AATF: variants seen among roughly 807,000 people sequenced by gnomAD.
AATF encodes the protein apoptosis antagonizing transcription factor.
Under a neutral mutation model 63.7 loss-of-function variants are expected in AATF, and 48 were observed. The ratio of observed to expected loss-of-function variants is 0.75; its 90% CI spans 0.60 to 0.96. The LOEUF (loss-of-function observed/expected upper bound fraction) is 0.96, where lower values mean the gene tolerates loss of function less well. AATF is among the 40% of genes least tolerant of loss of function. The pLI is 0.00. For synonymous variants in AATF, 258 were observed against 247.7 expected (o/e 1.04, Z -0.39); for missense variants, 639 against 685.7 (o/e 0.93, Z 0.76).
At chr17:36,994,252 T>G (rs2071237353) in intron 8 of AATF, among the ~76,000 whole-genome samples, 1 of 152,234 alleles carries the variant, frequency 6.6e-6, no homozygotes, top group Non-Finnish European at 1.5e-5. Flanking sequence ...ATTTCATTCT[T>G]GAGCCATAAA....
intron 8 of AATF, among the ~76,000 whole-genome samples, chr17:37,013,344 T>A (rs1450928397): frequency 6.6e-6 from 1 of 152,174 alleles, no homozygotes; most frequent in Non-Finnish European, 1.5e-5. Context: ...TTCTCAAGTG[T>A]CTTAGTCTGT....
intron 4 of AATF, among the ~76,000 whole-genome samples, chr17:36,964,569 G>A (rs1356347557): frequency 2.0e-5 from 3 of 152,184 alleles, no homozygotes; most frequent in African/African-American, 7.2e-5. Flanking sequence ...AAATAAGGTA[G>A]ACTACTAGGA....
intron 11 of AATF, among the ~76,000 whole-genome samples, chr17:37,052,097 TGACCATGA>T (rs1158347126): frequency 6.6e-6 from 1 of 152,178 alleles, no homozygotes; most frequent in African/African-American, 2.4e-5. Context: ...ACACTCCCAC[TGACCATGA>T]GTGTGTGTGT....
intron 11 of AATF, among the ~76,000 whole-genome samples, chr17:37,039,513 A>G (rs1388946628): frequency 1.3e-5 from 2 of 152,210 alleles, no homozygotes; most frequent in African/African-American, 4.8e-5. Context: ...CTCTTGTTAA[A>G]GAGGATTACA....
intron 4 of AATF, among the ~76,000 whole-genome samples, chr17:36,955,376 G>A (rs2070890999): frequency 6.6e-6 from 1 of 152,214 alleles, no homozygotes; most frequent in Non-Finnish European, 1.5e-5. Context: ...TTCTTCCCCT[G>A]TGGGAAGTCT....
intron 11 of AATF, among the ~76,000 whole-genome samples, chr17:37,046,730 A>AACACACAC (rs58296683): frequency 0.016 from 2,225 of 140,024 alleles, 29 homozygotes; most frequent in African/African-American, 0.034. Flanking sequence ...GTGCTCCCCC[A>AACACACAC]ACACACACAC....
intron 4 of AATF, among the ~76,000 whole-genome samples, chr17:36,982,510 C>T (rs1389354073): frequency 2.6e-5 from 4 of 152,002 alleles, no homozygotes; most frequent in African/African-American, 7.2e-5. Context: ...CGTGCCACCA[C>T]GCCCAGCTAA....
intron 8 of AATF, among the ~76,000 whole-genome samples, chr17:37,014,829 C>T (rs538816767): frequency 6.6e-4 from 101 of 152,082 alleles, no homozygotes; most frequent in Non-Finnish European, 1.2e-3. Flanking sequence ...ATCTTTTTGC[C>T]TTTTGGCTTT....
chr17:37,035,363 C>T (rs530802329), intron 11 of AATF, among the ~76,000 whole-genome samples: 14 of 150,296 alleles, frequency 9.3e-5, no homozygotes, highest in African/African-American at 3.2e-4. Context: ...GGACTACAGG[C>T]GTGCACCACC....
At chr17:36,967,975 C>G (rs911289635) in intron 4 of AATF, among the ~76,000 whole-genome samples, 1 of 150,562 alleles carries the variant, frequency 6.6e-6, no homozygotes, top group Non-Finnish European at 1.5e-5. Context: ...TTGTCTGGAG[C>G]ACTTGGAGGG....
At chr17:37,001,201 C>T (rs965139483) in intron 8 of AATF, among the ~76,000 whole-genome samples, 2 of 151,880 alleles carry the variant, frequency 1.3e-5, no homozygotes, top group East Asian at 1.9e-4. Flanking sequence ...TGCCTGTAGT[C>T]CCAGCTATTC....
At chr17:36,983,146 A>G (rs2071140303) in intron 4 of AATF, among the ~76,000 whole-genome samples, 1 of 151,958 alleles carries the variant, frequency 6.6e-6, no homozygotes, top group African/African-American at 2.4e-5. Context: ...GGCTTAAGGG[A>G]TCCTCCCACC....
At chr17:37,010,566 C>A (rs1267719123) in intron 8 of AATF, among the ~76,000 whole-genome samples, 1 of 152,192 alleles carries the variant, frequency 6.6e-6, no homozygotes, top group African/African-American at 2.4e-5. Flanking sequence ...AGTCTCTGCT[C>A]TCACACAGCA....
rs2071465209 is a variant in AATF, at chr17:37,020,979, A to G, written c.1512A>G (p.Lys504=). The G allele has an allele frequency of 1.9e-6, 3 of 1,611,872 alleles. No individual in the cohort carries two copies. The highest frequency in any genetic ancestry group is 2.5e-6 in the Non-Finnish European group (3 of 1,178,940). Residue 504 remains lysine, a synonymous_variant, in exon 10 of 12, where the codon AAA becomes AAG. Transcript: ENST00000619387. ...AGTTACGAAGCAAAATCCACAAAAAAGTAGATAGGAAAGCCAGCAAAGGCA... is the reference window on the plus strand; with the variant it reads ...AGTTACGAAGCAAAATCCACAAAAAGGTAGATAGGAAAGCCAGCAAAGGCA... ...IQKLRSKIHK[K]VDRKASKGRK...
chr17:36,952,428 C>G (rs1394441910), intron 2 of AATF, among the ~76,000 whole-genome samples: 2 of 152,178 alleles, frequency 1.3e-5, no homozygotes, highest in Non-Finnish European at 2.9e-5. Flanking sequence ...ATAGGGCAGA[C>G]GGATGTGATA....
chr17:36,961,371 TAAC>T (rs1413045182), intron 4 of AATF, among the ~76,000 whole-genome samples: 2 of 152,218 alleles, frequency 1.3e-5, no homozygotes, highest in Admixed American at 6.5e-5. Flanking sequence ...AATTTTTTAA[TAAC>T]CACATTTTAA....
At chr17:36,955,319 T>TA (rs2070890531) in intron 4 of AATF, among the ~76,000 whole-genome samples, 1 of 152,178 alleles carries the variant, frequency 6.6e-6, no homozygotes, top group Admixed American at 6.5e-5. Context: ...AATGGCTTCC[T>TA]AGAGTCCAGT....
chr17:36,981,449 C>CT (rs753771082), intron 4 of AATF, among the ~76,000 whole-genome samples: 7,967 of 143,600 alleles, frequency 0.055, 437 homozygotes, highest in African/African-American at 0.14. Flanking sequence ...ACTTTTCTTT[C>CT]TTTTTTTTTT....
intron 4 of AATF, among the ~76,000 whole-genome samples, chr17:36,955,156 G>A (rs182627929): frequency 0.017 from 2,528 of 152,250 alleles, 71 homozygotes; most frequent in African/African-American, 0.057. Flanking sequence ...TAGTATCATG[G>A]AGTTAGAGTT....
Sources: gnomAD v4.1 joint callset for allele counts (sites outside exome capture counted in the v4.1 genomes callset) on GRCh38, gnomAD v4.1.1 for gene constraint, MANE v1.5 for transcripts, NCBI Gene and HGNC (gene_info 2026-07-23, HGNC 2026-07-21) for gene names.